MARK4: variants seen among roughly 807,000 people sequenced by gnomAD.
MARK4 encodes the protein MAP/microtubule affinity-regulating kinase 4.
MARK4 carries 19 observed loss-of-function variants against 81.5 expected under a neutral mutation model. The ratio of observed to expected loss-of-function variants is 0.23; its 90% CI spans 0.16 to 0.34. The LOEUF (loss-of-function observed/expected upper bound fraction) is 0.34. Among genes scored for constraint, MARK4 ranks in the 10% least tolerant of loss-of-function variants. MARK4 has a pLI of 1.00. For synonymous variants in MARK4, 436 were observed against 439.0 expected (o/e 0.99, Z 0.08); for missense variants, 772 against 1,058.8 (o/e 0.73, Z 3.76).
chr19:45,297,559 C>A, intron 14 of MARK4, 117 bp from the exon 15 acceptor site: 1 of 631,636 alleles, frequency 1.6e-6, no homozygotes, highest in Non-Finnish European at 2.7e-6. Context: ...AGCCCTGTCT[C>A]TGAGTTCCAG....
At chr19:45,298,586 A>G (rs1970923855) in intron 15 of MARK4, among the ~76,000 whole-genome samples, 1 of 152,174 alleles carries the variant, frequency 6.6e-6, no homozygotes, top group Admixed American at 6.6e-5. Flanking sequence ...TTAGTTATTA[A>G]TTGCTATTAT....
intron 7 of MARK4, among the ~76,000 whole-genome samples, chr19:45,267,247 G>A (rs183395722): frequency 5.3e-5 from 8 of 152,004 alleles, no homozygotes; most frequent in African/African-American, 1.9e-4. Context: ...TAGTAGAGAC[G>A]GAGTTTCACC....
At chr19:45,262,499 C>T (rs1020470973) in intron 2 of MARK4, among the ~76,000 whole-genome samples, 1 of 152,160 alleles carries the variant, frequency 6.6e-6, no homozygotes, top group African/African-American at 2.4e-5. Context: ...GTTATTTATT[C>T]CACTGTTCAT....
At position 45,303,738 on chromosome 19, in the gene MARK4, G is replaced by A. The variant is rs1332367433; in HGVS notation, c.*1028G>A. The A allele has an allele frequency of 6.6e-6, 1 of 152,222 alleles. No homozygotes were observed. The highest frequency in any genetic ancestry group is 2.4e-5 in the African/African-American group (1 of 41,456). The allele number at this position is 152,222 out of a possible 1,614,324, so 9.4% of individuals were successfully genotyped here. On this transcript the variant is annotated 3_prime_UTR_variant, in exon 17 of 17. Transcript: ENST00000262891. ...CACAGAGACATGAAGCTCTGTCTGT[G>A]GGAGACAGGGATTCTGACACAGACA... is the stretch of plus-strand genomic sequence containing the variant.
rs758823777 is a variant in MARK4 at position 45,280,705 on chromosome 19, A to G, written c.1247A>G (p.Tyr416Cys). 5 of 1,613,960 alleles carry G rather than the reference A, an allele frequency of 3.1e-6. No individual in the cohort carries two copies. The highest frequency in any genetic ancestry group is 4.2e-6 in the Non-Finnish European group (5 of 1,179,978). The change falls in exon 12 of 17, where the codon TAC becomes TGC. Residue 416 changes from tyrosine to cysteine, a missense_variant. Physicochemically the swap from Tyr to Cys is radical, Grantham distance 194 (BLOSUM62 -2). This residue lies in a region of MARK4 where 548 missense variants were observed against 624.3 expected (regional missense o/e 0.88). Coordinates refer to ENST00000262891, the MANE Select transcript of MARK4 (RefSeq NM_001199867.2). ...GGGCAGCGGAGTTCCTCTTCCACCTACCACCGCCAGCGCAGGCATAGCGAT... is the reference window on the plus strand; with the variant it reads ...GGGCAGCGGAGTTCCTCTTCCACCTGCCACCGCCAGCGCAGGCATAGCGAT... ...SKGQRSSSST[Y>C]HRQRRHSDFC...
chr19:45,283,405 C>T (rs1220708495), intron 12 of MARK4, among the ~76,000 whole-genome samples: 1 of 114,668 alleles, frequency 8.7e-6, no homozygotes, highest in East Asian at 2.2e-4. Context: ...GTGAGACTTC[C>T]TCTCAAAAAA....
At chr19:45,258,838 A>C in intron 1 of MARK4, 151 bp from the exon 2 acceptor site, 3 of 784,262 alleles carry the variant, frequency 3.8e-6, no homozygotes, top group Non-Finnish European at 2.0e-6. Context: ...GTCTTTTTGT[A>C]GAGAAAGATG....
Position 45,297,708 on chromosome 19 carries a change from C to T in MARK4, c.1631C>T (p.Pro544Leu). 1 of 1,549,074 alleles carries T rather than the reference C, an allele frequency of 6.5e-7. No homozygotes were observed. The highest frequency in any genetic ancestry group is 8.7e-7 in the Non-Finnish European group (1 of 1,154,380). Residue 544 changes from proline (P) to leucine (L), a missense_variant, in exon 15 of 17, where the codon CCC (proline) becomes CTC (leucine). By Grantham distance (98) the Pro-to-Leu change is moderately conservative. This residue lies in a region of MARK4 where 548 missense variants were observed against 624.3 expected (regional missense o/e 0.88). Transcript: ENST00000262891. The stretch of plus-strand genomic sequence containing the variant: ...ACCCCACGGGTGCCCCCTGCCTCCC[C>T]CTCCAGTCACAGCCTGGCACCCCCA... ...SGTPRVPPAS[P>L]SSHSLAPPSG...
Position 45,271,821 on chromosome 19 carries a change from A to G in MARK4, c.786+113A>G. On this transcript the variant is annotated intron_variant, in intron 8 of 16. Coordinates refer to ENST00000262891, the MANE Select transcript of MARK4 (RefSeq NM_001199867.2). This position sits in a 1 kb window ranked among gnomAD's most constrained non-coding sequence, Gnocchi z 4.1. ...AGTGGTGGGACTGGCCTGAGTTCTC[A>G]TGGGAAGATGGGGGATGGGCAGGAT... 1 of 978,132 alleles carries G rather than the reference A, an allele frequency of 1.0e-6. No homozygotes were observed. The highest frequency in any genetic ancestry group is 1.5e-6 in the Non-Finnish European group (1 of 654,446). The allele number at this position is 978,132 out of a possible 1,614,324, so 60.6% of individuals were successfully genotyped here. A position where few individuals can be genotyped will look rare whatever the true frequency, so the allele number is the denominator to read the frequency against.
intron 12 of MARK4, among the ~76,000 whole-genome samples, chr19:45,285,192 G>A (rs1363146507): frequency 2.7e-5 from 4 of 150,198 alleles, no homozygotes; most frequent in Admixed American, 6.7e-5. Context: ...CTGGGAGGCC[G>A]AGGTTGCAAT....
At chr19:45,299,148 G>A (rs1020621834) in intron 15 of MARK4, among the ~76,000 whole-genome samples, 2 of 151,788 alleles carry the variant, frequency 1.3e-5, no homozygotes, top group African/African-American at 2.4e-5. Flanking sequence ...CATTAAATGG[G>A]CAGGCCTCTG....
rs141561177 is a variant in MARK4 at position 45,283,374 on chromosome 19, ACT to A, written c.1276+2643_1276+2644del. 1.8e-3 allele frequency among the ~76,000 whole-genome samples: 254 copies of A among 144,532 alleles called. 2 individuals carry two copies. In the East Asian group the frequency reaches 0.028, roughly 16 times the overall value. The allele number at this position is 144,532 out of a possible 152,430, so 94.8% of individuals were successfully genotyped here. A position where few individuals can be genotyped will look rare whatever the true frequency, so the allele number is the denominator to read the frequency against. On this transcript the variant is annotated intron_variant, in intron 12 of 16. Coordinates refer to ENST00000262891, the MANE Select transcript of MARK4 (RefSeq NM_001199867.2). ...CAGTAAGCTGAGATCGCGCCACTAC[ACT>A]CTAGCCTGGGCGATAAGAGTGAGAC...
At chr19:45,259,333 A>G (rs1970351491) in intron 2 of MARK4, 144 bp downstream of exon 2, 3 of 850,566 alleles carry the variant, frequency 3.5e-6, no homozygotes, top group Non-Finnish European at 5.3e-6. Context: ...AGGTCACAAT[A>G]TCTCTGATGT....
Position 45,298,600 on chromosome 19 carries a change from T to C in MARK4, c.1877+646T>C, listed in dbSNP as rs573635676. On this transcript the variant is annotated intron_variant, in intron 15 of 16. Transcript: ENST00000262891. ...ATTAGTTATTAATTGCTATTATTCATTGAGCCCCTACTGTGTGCCTGGCAC... is the reference window on the plus strand; with the variant it reads ...ATTAGTTATTAATTGCTATTATTCACTGAGCCCCTACTGTGTGCCTGGCAC... Among the ~76,000 whole-genome samples, 7 of 152,342 alleles carry C rather than the reference T, an allele frequency of 4.6e-5. No individual in the cohort carries two copies. In the East Asian group the frequency reaches 1.2e-3, roughly 25 times the overall value.
intron 1 of MARK4, among the ~76,000 whole-genome samples, chr19:45,257,721 G>T (rs1431187197): frequency 2.5e-5 from 3 of 117,954 alleles, no homozygotes; most frequent in African/African-American, 9.9e-5. Flanking sequence ...ACAGAGTCTC[G>T]CTCTGTCACC....
chr19:45,294,379 A>G lies in MARK4; in HGVS notation c.1525A>G (p.Arg509Gly). 6.2e-7 allele frequency: 1 copy of G among 1,614,158 alleles called. No homozygotes were observed. Among genetic ancestry groups the G allele is most frequent in the Non-Finnish European group, 8.5e-7 (1 of 1,180,030 alleles). The change falls in exon 14 of 17, where the codon AGA (arginine) becomes GGA (glycine). Residue 509 changes from arginine (R) to glycine (G), a missense_variant. Arg to Gly is a moderately radical substitution (Grantham distance 125, BLOSUM62 -2). Around this residue, in one of 3 missense-constraint regions of MARK4, gnomAD observed 548 missense variants for 624.3 expected, o/e 0.88. Transcript: ENST00000262891. ...NNLPPSMMTR[R>G]NTYVCTERPG... ...CCTCCCTCCTAGCATGATGACCCGC[A>G]GAAACACCTACGTTTGCACAGAACG...
intron 7 of MARK4, among the ~76,000 whole-genome samples, chr19:45,270,023 T>TA (rs1970504901): frequency 6.6e-6 from 1 of 152,054 alleles, no homozygotes; most frequent in Non-Finnish European, 1.5e-5. Flanking sequence ...AGACAGGGTT[T>TA]TACCATGTTG....
At chr19:45,290,325 G>A (rs1409317245) in intron 13 of MARK4, among the ~76,000 whole-genome samples, 2 of 152,240 alleles carry the variant, frequency 1.3e-5, no homozygotes, top group Admixed American at 6.5e-5. Context: ...CAGCCGTGGT[G>A]GCTGGTGGTG....
At chr19:45,276,226 T>A (rs1970595770) in intron 8 of MARK4, among the ~76,000 whole-genome samples, 1 of 152,122 alleles carries the variant, frequency 6.6e-6, no homozygotes. Flanking sequence ...AGAGTCTCGC[T>A]GTGTTGCCCA....
Sources: allele counts gnomAD v4.1 joint callset (sites outside exome capture counted in the v4.1 genomes callset), GRCh38; gene constraint gnomAD v4.1.1; regional missense constraint gnomAD v4.1.1; non-coding constraint Gnocchi (gnomAD v3.1); transcripts MANE v1.5; gene names NCBI Gene and HGNC (gene_info 2026-07-23, HGNC 2026-07-21).